The following SLC26A7 variants were observed in gnomAD, a reference collection of about 807,000 sequenced individuals.
SLC26A7 encodes anion exchange transporter.
Under a neutral mutation model 82.5 loss-of-function variants are expected in SLC26A7, and 59 were observed. The ratio of observed to expected loss-of-function variants is 0.72; its 90% CI spans 0.58 to 0.89. The LOEUF is 0.89. Ranked by LOEUF, SLC26A7 falls within the 40% of genes least tolerant of loss-of-function variation. SLC26A7 has a pLI of 0.00. For missense variants in SLC26A7, 820 were observed against 793.0 expected (o/e 1.03, Z -0.41); for synonymous variants, 271 against 274.3 (o/e 0.99, Z 0.12).
intron 2 of SLC26A7, among the ~76,000 whole-genome samples, chr8:91,271,121 A>G (rs1367142197): frequency 6.6e-6 from 1 of 152,220 alleles, no homozygotes; most frequent in Non-Finnish European, 1.5e-5. Context: ...CATCTTTAAG[A>G]CAATGCCCAA....
chr8:91,331,199 C>T (rs1474699006), intron 5 of SLC26A7, among the ~76,000 whole-genome samples: 2 of 152,114 alleles, frequency 1.3e-5, no homozygotes, highest in South Asian at 4.1e-4. Context: ...GTTAGGACTT[C>T]AACATATGAA....
chr8:91,324,754 T>C (rs1812889374), intron 5 of SLC26A7, among the ~76,000 whole-genome samples: 1 of 152,046 alleles, frequency 6.6e-6, no homozygotes, highest in Non-Finnish European at 1.5e-5. Flanking sequence ...GGCGGTGTGA[T>C]TGAAGGTGGG....
chr8:91,217,577 T>C (rs1045603789), intron 1 of SLC26A7, among the ~76,000 whole-genome samples: 13 of 152,094 alleles, frequency 8.5e-5, no homozygotes, highest in African/African-American at 2.9e-4. Flanking sequence ...AGGGAAGCAA[T>C]TGAGTCATTG....
intron 18 of SLC26A7, chr8:91,394,278 T>C (rs2130911146): frequency 6.2e-7 from 1 of 1,613,184 alleles, no homozygotes; most frequent in Non-Finnish European, 8.5e-7. Context: ...GCTCTGAGGA[T>C]TGGGTGGTTG....
intron 4 of SLC26A7, among the ~76,000 whole-genome samples, chr8:91,300,550 A>G (rs1004305183): frequency 2.0e-5 from 3 of 151,938 alleles, no homozygotes; most frequent in African/African-American, 7.2e-5. Flanking sequence ...GGCGCCCGCC[A>G]CTACGCCCGG....
chr8:91,264,479 A>C (rs144999154), intron 2 of SLC26A7, among the ~76,000 whole-genome samples: 1 of 152,130 alleles, frequency 6.6e-6, no homozygotes, highest in Admixed American at 6.6e-5. Context: ...GAAAAAGAAT[A>C]AACCTGGAAA....
At chr8:91,209,956 G>A (rs544835226) in intron 1 of SLC26A7, among the ~76,000 whole-genome samples, 5 of 152,140 alleles carry the variant, frequency 3.3e-5, no homozygotes, top group Admixed American at 6.5e-5. Flanking sequence ...AAGCTCTCTG[G>A]ATCCAAAGAT....
At chr8:91,351,654 GATA>G (rs1459128092) in intron 9 of SLC26A7, among the ~76,000 whole-genome samples, 153 bp from the exon 10 acceptor site, 3 of 152,016 alleles carry the variant, frequency 2.0e-5, no homozygotes, top group African/African-American at 7.2e-5. Context: ...GCAAAATATA[GATA>G]ATGACAGTCT....
At chr8:91,298,620 A>G (rs950784417) in intron 4 of SLC26A7, among the ~76,000 whole-genome samples, 1 of 152,148 alleles carries the variant, frequency 6.6e-6, no homozygotes, top group Non-Finnish European at 1.5e-5. Context: ...TGAATTATCT[A>G]TTCAGGAACT....
rs10109254 is a variant in SLC26A7 at position 91,351,872 on chromosome 8, T to C, written c.1203T>C (p.Leu401=). ...TCATCTATGCAATAGGACCTTTGCT[T>C]TACTGGCTGCCCATGGTACGGTAGT... The part of the protein sequence containing the change: ...LIVIYAIGPL[L]YWLPMCVLAS... Residue 401 remains leucine, a synonymous_variant, in exon 10 of 19, where the codon CTT becomes CTC. Coordinates refer to ENST00000276609, the MANE Select transcript of SLC26A7 (RefSeq NM_052832.4). 442,034 of 1,607,110 alleles carry C rather than the reference T, an allele frequency of 0.28. 63,927 individuals are homozygous for C. The highest frequency in any genetic ancestry group is 0.31 in the African/African-American group (22,836 of 74,772).
chr8:91,281,216 T>G (rs1413912617), intron 2 of SLC26A7, among the ~76,000 whole-genome samples: 1 of 152,232 alleles, frequency 6.6e-6, no homozygotes, highest in African/African-American at 2.4e-5. Context: ...AGCCCTCTTT[T>G]TGGATTTTTA....
intron 4 of SLC26A7, among the ~76,000 whole-genome samples, chr8:91,305,443 C>A (rs1251525907): frequency 6.6e-6 from 1 of 152,000 alleles, no homozygotes; most frequent in East Asian, 1.9e-4. Flanking sequence ...TGATGAAAAA[C>A]AAAAACACAA....
intron 1 of SLC26A7, among the ~76,000 whole-genome samples, chr8:91,212,948 G>A (rs114042879): frequency 1.2e-3 from 188 of 152,148 alleles, no homozygotes; most frequent in African/African-American, 4.2e-3. Context: ...AGAACTCCTC[G>A]AATACTCTTA....
chr8:91,297,657 A>G (rs1812052375), intron 4 of SLC26A7, among the ~76,000 whole-genome samples: 1 of 151,992 alleles, frequency 6.6e-6, no homozygotes, highest in South Asian at 2.1e-4. Context: ...GCTGGACTTT[A>G]TTTGACCTCC....
Position 91,395,079 on chromosome 8 carries a change from T to C in SLC26A7, c.1953T>C (p.Ser651=), listed in dbSNP as rs1364231565. 3.1e-6 allele frequency: 5 copies of C among 1,613,476 alleles called. No homozygotes were observed. In the African/African-American group the frequency reaches 6.7e-5, roughly 22 times the overall value. ...IHSNKNLSKL[S]DHSEV ...TATTTCAGAATTTGAGCAAACTCAG[T>C]GACCACAGTGAAGTCTGAGACCCTT... Residue 651 remains serine (S), a synonymous_variant, in exon 19 of 19, where the codon AGT becomes AGC. Transcript: ENST00000276609.
intron 9 of SLC26A7, among the ~76,000 whole-genome samples, chr8:91,346,420 T>C (rs1813566025): frequency 6.6e-6 from 1 of 152,142 alleles, no homozygotes; most frequent in Admixed American, 6.6e-5. Context: ...AAAGCAACTT[T>C]CTATGTGACA....
intron 3 of SLC26A7, among the ~76,000 whole-genome samples, chr8:91,290,416 T>G (rs1390243482): frequency 6.6e-6 from 1 of 152,190 alleles, no homozygotes; most frequent in African/African-American, 2.4e-5. Flanking sequence ...AGGGCTGTGT[T>G]TCTTTCTTGG....
chr8:91,253,089 T>C (rs922437028), intron 2 of SLC26A7, among the ~76,000 whole-genome samples: 8 of 152,112 alleles, frequency 5.3e-5, no homozygotes, highest in Admixed American at 4.6e-4. Context: ...ATAACAACAG[T>C]AATTTTTAGG....
intron 2 of SLC26A7, among the ~76,000 whole-genome samples, chr8:91,255,090 C>T (rs1239356842): frequency 6.6e-6 from 1 of 152,040 alleles, no homozygotes; most frequent in African/African-American, 2.4e-5. Context: ...AGAGTGGAGA[C>T]CTGAAATGCA....
Sources: gnomAD v4.1 joint callset for allele counts (sites outside exome capture counted in the v4.1 genomes callset) on GRCh38, gnomAD v4.1.1 for gene constraint, MANE v1.5 for transcripts, NCBI Gene and HGNC (gene_info 2026-07-23, HGNC 2026-07-21) for gene names.